The following RALYL variants were observed in gnomAD, a reference collection of about 807,000 sequenced individuals.
RALYL encodes the protein RNA-binding Raly-like protein.
Under a neutral mutation model 35.1 loss-of-function variants are expected in RALYL, and 29 were observed. That is an observed-to-expected ratio of 0.83 (90% CI 0.61 to 1.13). The LOEUF is 1.13. RALYL is among the 50% of genes most tolerant of loss of function. RALYL has a pLI of 0.00. For missense variants in RALYL, 359 were observed against 360.4 expected (o/e 1.00, Z 0.03); for synonymous variants, 120 against 127.6 (o/e 0.94, Z 0.40).
At chr8:84,662,999 A>G (rs1038888379) in intron 2 of RALYL, among the ~76,000 whole-genome samples, 1 of 151,850 alleles carries the variant, frequency 6.6e-6, no homozygotes, top group Admixed American at 6.6e-5. Context: ...CCACCCCTCA[A>G]CAGGCTCAAG....
intron 1 of RALYL, among the ~76,000 whole-genome samples, chr8:84,266,787 C>T (rs1217069893): frequency 6.6e-6 from 1 of 151,796 alleles, no homozygotes; most frequent in Non-Finnish European, 1.5e-5. Context: ...GGTGAAACCC[C>T]GTCTCTACTA....
rs1220028479 is a variant in RALYL at position 84,778,878 on chromosome 8, A to T, written c.332+4224A>T. ...ATGATCACATGAGCTGAATAGAAGA[A>T]ATAGGAAACACATGATAAGCAATGG... On this transcript the variant is annotated intron_variant, in intron 3 of 8. Transcript: ENST00000521268. Among the ~76,000 whole-genome samples, 7 of 152,326 alleles carry T rather than the reference A, an allele frequency of 4.6e-5. No homozygotes were observed. The East Asian group carries it at 1.2e-3, about 25-fold the overall frequency.
intron 8 of RALYL, among the ~76,000 whole-genome samples, chr8:84,891,708 G>T (rs10097981): frequency 2.6e-5 from 4 of 151,974 alleles, no homozygotes; most frequent in Non-Finnish European, 4.4e-5. Flanking sequence ...CTTGCAATCC[G>T]GATTGAAACT....
chr8:84,379,689 T>C (rs2127219), intron 1 of RALYL, among the ~76,000 whole-genome samples: 94,986 of 151,284 alleles, frequency 0.63, 30,200 homozygotes, highest in African/African-American at 0.73. Flanking sequence ...AACAAAAAAC[T>C]AAAAGAAGAG....
At chr8:84,843,107 T>A (rs535370857) in intron 4 of RALYL, among the ~76,000 whole-genome samples, 186 of 152,286 alleles carry the variant, frequency 1.2e-3, no homozygotes, top group Non-Finnish European at 2.0e-3. Flanking sequence ...GTGTTGGAAG[T>A]TCTGGCCAGG....
At chr8:84,426,474 G>GT (rs1554662503) in intron 1 of RALYL, among the ~76,000 whole-genome samples, 1,695 of 145,494 alleles carry the variant, frequency 0.012, 27 homozygotes, top group South Asian at 0.061. Context: ...GTGTGTGTGT[G>GT]GGTTTAGATT....
intron 1 of RALYL, among the ~76,000 whole-genome samples, chr8:84,472,450 C>T (rs1041601545): frequency 2.0e-5 from 3 of 151,962 alleles, no homozygotes; most frequent in African/African-American, 7.3e-5. Flanking sequence ...GATTTGGACA[C>T]GCAAAGAGAA....
chr8:84,314,961 C>A (rs1344232125), intron 1 of RALYL, among the ~76,000 whole-genome samples: 1 of 152,124 alleles, frequency 6.6e-6, no homozygotes, highest in Non-Finnish European at 1.5e-5. Context: ...CTCTTTGGTG[C>A]ATAACTTTGG....
At chr8:84,686,041 G>T (rs927946363) in intron 2 of RALYL, among the ~76,000 whole-genome samples, 1 of 152,168 alleles carries the variant, frequency 6.6e-6, no homozygotes, top group Non-Finnish European at 1.5e-5. Flanking sequence ...TCTCCACTTA[G>T]CTTGGACACA....
chr8:84,545,630 G>A (rs867685709), intron 2 of RALYL, among the ~76,000 whole-genome samples: 1 of 152,186 alleles, frequency 6.6e-6, no homozygotes, highest in Middle Eastern at 3.4e-3. Context: ...TGATCCTCAT[G>A]TATATTTATT....
At chr8:84,407,838 T>C (rs1213936667) in intron 1 of RALYL, among the ~76,000 whole-genome samples, 1 of 152,118 alleles carries the variant, frequency 6.6e-6, no homozygotes, top group African/African-American at 2.4e-5. Flanking sequence ...CTTAGCATCA[T>C]CTCAATTTTC....
intron 1 of RALYL, among the ~76,000 whole-genome samples, chr8:84,458,954 T>C (rs1371703938): frequency 6.6e-6 from 1 of 151,682 alleles, no homozygotes; most frequent in African/African-American, 2.4e-5. Context: ...ACCATGAGAA[T>C]GAAGAATGCT....
intron 4 of RALYL, among the ~76,000 whole-genome samples, chr8:84,833,718 T>C (rs1275365329): frequency 6.6e-6 from 1 of 151,420 alleles, no homozygotes; most frequent in East Asian, 1.9e-4. Context: ...ACAAAAACAC[T>C]CAAGTATTTC....
intron 5 of RALYL, among the ~76,000 whole-genome samples, chr8:84,858,994 C>T (rs1254174450): frequency 6.6e-6 from 1 of 152,036 alleles, no homozygotes; most frequent in African/African-American, 2.4e-5. Flanking sequence ...GGTTCTTGAA[C>T]AAATAATTGG....
intron 1 of RALYL, among the ~76,000 whole-genome samples, chr8:84,526,572 G>A (rs553133813): frequency 2.4e-4 from 37 of 152,224 alleles, no homozygotes; most frequent in Non-Finnish European, 4.9e-4. Flanking sequence ...AAATTATAGC[G>A]TTTGCATACA....
At chr8:84,500,051 C>G (rs543500517) in intron 1 of RALYL, among the ~76,000 whole-genome samples, 3 of 152,234 alleles carry the variant, frequency 2.0e-5, no homozygotes, top group African/African-American at 7.2e-5. Context: ...GCCACTGTGC[C>G]TGGAGTGATT....
chr8:84,544,685 T>C (rs2060238668), intron 2 of RALYL, among the ~76,000 whole-genome samples: 1 of 152,176 alleles, frequency 6.6e-6, no homozygotes, highest in Admixed American at 6.6e-5. Context: ...GAGTGTGGGA[T>C]CAAATAGTAA....
At chr8:84,346,550 C>A (rs1236855323) in intron 1 of RALYL, among the ~76,000 whole-genome samples, 2 of 152,064 alleles carry the variant, frequency 1.3e-5, no homozygotes, top group Non-Finnish European at 2.9e-5. Context: ...CCAATTGCAA[C>A]CTTCGCCTCC....
At chr8:84,584,958 G>A (rs1381895487) in intron 2 of RALYL, among the ~76,000 whole-genome samples, 2 of 152,060 alleles carry the variant, frequency 1.3e-5, no homozygotes, top group Non-Finnish European at 2.9e-5. Flanking sequence ...TTGCCCTAGA[G>A]CAGCCCTGTT....
Sources: allele counts gnomAD v4.1 joint callset (sites outside exome capture counted in the v4.1 genomes callset), GRCh38; gene constraint gnomAD v4.1.1; transcripts MANE v1.5; gene names NCBI Gene and HGNC (gene_info 2026-07-23, HGNC 2026-07-21).